MAD1L1: variants seen among roughly 807,000 people sequenced by gnomAD.
The protein encoded by MAD1L1 is mitotic spindle assembly checkpoint protein MAD1.
A neutral mutation model predicts 96.9 loss-of-function variants in MAD1L1; 95 were observed. The ratio of observed to expected loss-of-function variants is 0.98; its 90% CI spans 0.83 to 1.16. The LOEUF (loss-of-function observed/expected upper bound fraction) is 1.16. Ranked by LOEUF, MAD1L1 falls within the 50% of genes most tolerant of loss-of-function variation. The pLI, the probability that MAD1L1 is intolerant of heterozygous loss-of-function variation, is 0.00. For synonymous variants in MAD1L1, 473 were observed against 396.6 expected (o/e 1.19, Z -2.29); for missense variants, 1,007 against 954.4 (o/e 1.06, Z -0.73).
intron 14 of MAD1L1, among the ~76,000 whole-genome samples, chr7:1,983,135 C>T (rs972530574): frequency 1.5e-5 from 2 of 130,152 alleles, no homozygotes; most frequent in Non-Finnish European, 3.3e-5. Flanking sequence ...CCCACAGACG[C>T]GCGCGCGCGC....
intron 18 of MAD1L1, among the ~76,000 whole-genome samples, chr7:1,852,453 C>T (rs1205206518): frequency 1.3e-5 from 2 of 152,164 alleles, no homozygotes; most frequent in East Asian, 1.9e-4. Context: ...AGTCCAGGCT[C>T]AGGATCCCTG....
At chr7:2,145,485 A>C (rs1013910491) in intron 11 of MAD1L1, among the ~76,000 whole-genome samples, 2 of 152,256 alleles carry the variant, frequency 1.3e-5, no homozygotes, top group East Asian at 3.8e-4. Context: ...AGCTCACAGC[A>C]GCGTTTGGAA....
At chr7:1,992,514 G>C (rs1156356589) in intron 14 of MAD1L1, among the ~76,000 whole-genome samples, 2 of 152,246 alleles carry the variant, frequency 1.3e-5, no homozygotes, top group Non-Finnish European at 2.9e-5. Flanking sequence ...CTGGGATGCT[G>C]GATAAAGAGC....
rs564218794 is a variant in MAD1L1, at chr7:1,835,843, G to A, written c.1999-19615C>T. ...GGGGTGGATTATTCATGAGTTTTCCGGGAAAGGGGTAGGCAATTCCCAGAA... is the reference window on the plus strand; with the variant it reads ...GGGGTGGATTATTCATGAGTTTTCCAGGAAAGGGGTAGGCAATTCCCAGAA... On this transcript the variant is annotated intron_variant, in intron 18 of 18. Coordinates refer to ENST00000265854, the MANE Select transcript of MAD1L1 (RefSeq NM_001013836.2). Among the ~76,000 whole-genome samples the A allele has an allele frequency of 2.0e-5, 3 of 152,284 alleles. No individual in the cohort carries two copies. In the East Asian group the frequency reaches 5.8e-4, roughly 29 times the overall value.
chr7:2,221,352 G>A (rs896859781), intron 5 of MAD1L1, among the ~76,000 whole-genome samples: 3 of 152,152 alleles, frequency 2.0e-5, no homozygotes, highest in Admixed American at 6.5e-5. Flanking sequence ...GCAGCTTCTC[G>A]GGAGCCAATC....
At chr7:1,935,623 G>A (rs1281276118) in intron 17 of MAD1L1, among the ~76,000 whole-genome samples, 1 of 152,196 alleles carries the variant, frequency 6.6e-6, no homozygotes, top group Non-Finnish European at 1.5e-5. Flanking sequence ...CCTGGGTGCT[G>A]GGCTGTGGGA....
chr7:1,988,384 C>T (rs1781257572), intron 14 of MAD1L1, among the ~76,000 whole-genome samples: 1 of 152,186 alleles, frequency 6.6e-6, no homozygotes, highest in Middle Eastern at 3.2e-3. Context: ...GACCTGAGGC[C>T]CAGGCACTTT....
intron 11 of MAD1L1, among the ~76,000 whole-genome samples, chr7:2,138,785 GAA>G (rs1416005358): frequency 6.6e-6 from 1 of 152,172 alleles, no homozygotes; most frequent in Non-Finnish European, 1.5e-5. Flanking sequence ...AATGAGGAAA[GAA>G]AGGCTCGGGG....
chr7:1,910,700 C>G (rs747470715), intron 17 of MAD1L1, among the ~76,000 whole-genome samples: 16 of 152,352 alleles, frequency 1.1e-4, no homozygotes, highest in Non-Finnish European at 2.9e-5. Context: ...ACCTGGAACA[C>G]GTTCGTCAGG....
Position 2,103,098 on chromosome 7 carries a change from C to G in MAD1L1, c.1074-33760G>C, listed in dbSNP as rs1306372103. 6.6e-6 allele frequency among the ~76,000 whole-genome samples: 1 copy of G among 152,118 alleles called. No individual in the cohort carries two copies. Among genetic ancestry groups the G allele is most frequent in the Non-Finnish European group, 1.5e-5 (1 of 68,026 alleles). ...TGCCTGCCTGCTGGAGACGCGCGTC[C>G]TCTCCCACCTCAGGGCCCCTGCGCT... On this transcript the variant is annotated intron_variant, in intron 11 of 18. Transcript: ENST00000265854. The surrounding 1 kb of genome is among the most constrained non-coding windows in gnomAD (Gnocchi z 4.3).
intron 18 of MAD1L1, among the ~76,000 whole-genome samples, chr7:1,897,891 G>A (rs1050786256): frequency 3.3e-5 from 5 of 152,178 alleles, no homozygotes; most frequent in African/African-American, 7.2e-5. Context: ...TGACACACAC[G>A]CCTACGGCCG....
intron 18 of MAD1L1, among the ~76,000 whole-genome samples, chr7:1,830,722 C>T (rs1189642932): frequency 3.9e-5 from 6 of 152,138 alleles, no homozygotes; most frequent in Non-Finnish European, 4.4e-5. Context: ...TAAAGATCTA[C>T]GTGCCCTAAA....
chr7:2,082,129 G>A (rs999641187), intron 11 of MAD1L1, among the ~76,000 whole-genome samples: 9 of 152,086 alleles, frequency 5.9e-5, no homozygotes, highest in Admixed American at 5.2e-4. Context: ...AAGCTCCCGG[G>A]AACACCTGCG....
intron 10 of MAD1L1, among the ~76,000 whole-genome samples, chr7:2,187,527 G>T (rs747052774): frequency 6.6e-6 from 1 of 152,192 alleles, no homozygotes; most frequent in African/African-American, 2.4e-5. Context: ...GCTACTGACA[G>T]GCACAATCAC....
At chr7:1,862,226 C>T (rs912555745) in intron 18 of MAD1L1, among the ~76,000 whole-genome samples, 6 of 152,192 alleles carry the variant, frequency 3.9e-5, no homozygotes, top group African/African-American at 9.6e-5. Context: ...CTCAGCACAC[C>T]GAGCAGCACC....
intron 18 of MAD1L1, among the ~76,000 whole-genome samples, chr7:1,891,002 A>C (rs1786503626): frequency 6.6e-6 from 1 of 152,172 alleles, no homozygotes; most frequent in Non-Finnish European, 1.5e-5. Flanking sequence ...GCGGGATCAG[A>C]CAGACGCCAG....
chr7:1,987,404 G>A (rs758859390), intron 14 of MAD1L1, among the ~76,000 whole-genome samples: 3 of 152,222 alleles, frequency 2.0e-5, no homozygotes, highest in Non-Finnish European at 4.4e-5. Flanking sequence ...GCGTGTGTGC[G>A]GCCGAGCTCG....
At chr7:1,873,634 G>A (rs11973114) in intron 18 of MAD1L1, among the ~76,000 whole-genome samples, 46,584 of 151,810 alleles carry the variant, frequency 0.31, 10,033 homozygotes, top group African/African-American at 0.61. Flanking sequence ...CCTGGCAGGG[G>A]ACACACCAGC....
intron 10 of MAD1L1, among the ~76,000 whole-genome samples, chr7:2,165,815 G>A (rs1260624053): frequency 6.6e-6 from 1 of 152,130 alleles, no homozygotes; most frequent in Non-Finnish European, 1.5e-5. Flanking sequence ...GACCACGGTG[G>A]GGCTTGGAGC....
Sources: allele counts gnomAD v4.1 joint callset (sites outside exome capture counted in the v4.1 genomes callset), GRCh38; gene constraint gnomAD v4.1.1; non-coding constraint Gnocchi (gnomAD v3.1); transcripts MANE v1.5; gene names NCBI Gene and HGNC (gene_info 2026-07-23, HGNC 2026-07-21).